The following NAF1 variants were observed in gnomAD, a reference collection of about 807,000 sequenced individuals.
NAF1 encodes the protein H/ACA ribonucleoprotein complex non-core subunit NAF1.
NAF1 carries 11 observed loss-of-function variants against 40.6 expected under a neutral mutation model. The observed-to-expected ratio is 0.27, with a 90% confidence interval of 0.17 to 0.45. The LOEUF is 0.45. Among genes scored for constraint, NAF1 ranks in the 20% least tolerant of loss-of-function variants. The pLI is 1.00. For missense variants in NAF1, 607 were observed against 611.1 expected, an observed-to-expected ratio of 0.99 and a Z score of 0.07; for synonymous variants, 260 against 228.5, an observed-to-expected ratio of 1.14 and a Z score of -1.24.
chr4:163,129,408 T>C (rs1730786071), intron 7 of NAF1, 60 bp from the exon 8 acceptor site: 4 of 1,449,390 alleles, frequency 2.8e-6, no homozygotes, highest in Admixed American at 2.1e-5. Context: ...TCAAAAAGCA[T>C]TGTTTGAAAT....
chr4:163,145,953 TA>T (rs906293853), intron 3 of NAF1, 89 bp from the exon 4 acceptor site: 169 of 682,936 alleles, frequency 2.5e-4, no homozygotes, highest in Middle Eastern at 8.3e-4. Flanking sequence ...CAACATAATT[TA>T]AAAAAAAATT....
intron 2 of NAF1, among the ~76,000 whole-genome samples, chr4:163,114,479 G>A (rs182641479): frequency 7.9e-5 from 12 of 152,220 alleles, no homozygotes; most frequent in Admixed American, 2.6e-4. Context: ...ACAGGAGTGG[G>A]AGTGCCAAGT....
rs78664488 is a variant in NAF1 at position 163,145,727 on chromosome 4, G to GA, written c.717+54dup. The stretch of plus-strand genomic sequence containing the variant: ...TTCTGAGAACTGATGGGGAAAGTCA[G>GA]AAAAAAACAATAAATAAATAGAATA... On this transcript the variant is annotated intron_variant, in intron 4 of 7. Coordinates refer to ENST00000274054, the MANE Select transcript of NAF1 (RefSeq NM_138386.3). 783 of 1,209,754 alleles carry GA rather than the reference G, an allele frequency of 6.5e-4. 4 individuals are homozygous for GA. In the East Asian group the frequency reaches 0.017, roughly 26 times the overall value. The allele number at this position is 1,209,754 out of a possible 1,614,324, so 74.9% of individuals were successfully genotyped here. A position where few individuals can be genotyped will look rare whatever the true frequency, so the allele number is the denominator to read the frequency against.
chr4:163,103,969 G>A, the NAF1 span, among the ~76,000 whole-genome samples: 1 of 152,080 alleles, frequency 6.6e-6, no homozygotes, highest in Non-Finnish European at 1.5e-5. Context: ...GGTGCAGGCG[G>A]ACTGAGTCCA....
chr4:163,144,944 A>T (rs950567887), intron 4 of NAF1, among the ~76,000 whole-genome samples: 15 of 152,262 alleles, frequency 9.9e-5, no homozygotes, highest in Middle Eastern at 3.4e-3. Flanking sequence ...CTGTCATGAA[A>T]ATCACAAATA....
Position 163,121,259 on chromosome 4 carries a change from G to A in NAF1, c.115-10969C>T, listed in dbSNP as rs180748526. On this transcript the variant is annotated intron_variant, in intron 2 of 2. Coordinates refer to the NAF1 transcript ENST00000509434. The stretch of plus-strand genomic sequence containing the variant: ...CCACACTATAGAAAATAGTCCCTTG[G>A]TTTCTGGAACATAATTGCATGTAGT... Among the ~76,000 whole-genome samples the A allele has an allele frequency of 2.6e-5, 4 of 152,152 alleles. No individual in the cohort carries two copies. In the East Asian group the frequency reaches 7.7e-4, roughly 29 times the overall value.
intron 6 of NAF1, chr4:163,135,112 G>A (rs745333516): frequency 6.6e-6 from 1 of 152,068 alleles, no homozygotes; most frequent in Non-Finnish European, 1.5e-5. Context: ...ACAACCGTAG[G>A]TAATTTTTAG....
At chr4:163,151,227 A>C (rs772413852) in intron 2 of NAF1, among the ~76,000 whole-genome samples, 15 of 152,050 alleles carry the variant, frequency 9.9e-5, no homozygotes, top group Non-Finnish European at 1.6e-4. Flanking sequence ...TCAGTCATTT[A>C]GTTAACCTTT....
At position 163,112,185 on chromosome 4, in the gene NAF1, T is replaced by TG. The variant is rs150280658; in HGVS notation, c.115-1896dup. Among the ~76,000 whole-genome samples, 1,295 of 151,250 alleles carry TG rather than the reference T, an allele frequency of 8.6e-3. 19 individuals are homozygous for TG. Among genetic ancestry groups the TG allele is most frequent in the African/African-American group, 0.028 (1,141 of 41,180 alleles). On this transcript the variant is annotated intron_variant, in intron 2 of 2. Coordinates refer to the NAF1 transcript ENST00000509434. ...GATTTTACAAAATGGAAAAAATGAT[T>TG]GGGGGGGGAGAAAAATTGCTAGAGT...
In NAF1 at chr4:163,153,165, G is replaced by A. The variant is rs372719947; in HGVS notation, c.541-4731C>T. ...GGTTCCTGTGCAGCCCGAGCCTCCC[G>A]GACGAATACCACCCCCTGCTCCACG... On this transcript the variant is annotated intron_variant, in intron 2 of 7. Transcript: ENST00000274054. Among the ~76,000 whole-genome samples the A allele has an allele frequency of 2.1e-4, 32 of 152,304 alleles. No homozygotes were observed. In the East Asian group the frequency reaches 5.0e-3, roughly 24 times the overall value.
chr4:163,126,917 T>A (rs1730672709), downstream of NAF1: 2 of 1,492,646 alleles, frequency 1.3e-6, no homozygotes, highest in Non-Finnish European at 1.8e-6. Context: ...GTCATTATTA[T>A]TTTTTGAACA....
At chr4:163,145,520 A>G (rs1731430215) in intron 4 of NAF1, among the ~76,000 whole-genome samples, 1 of 152,220 alleles carries the variant, frequency 6.6e-6, no homozygotes, top group African/African-American at 2.4e-5. Context: ...CTCACTGCCT[A>G]GCAAGTTATC....
Position 163,166,541 on chromosome 4 carries a change from C to T in NAF1, c.187G>A (p.Gly63Arg), listed in dbSNP as rs1459650363. 12 of 1,588,086 alleles carry T rather than the reference C, an allele frequency of 7.6e-6. No homozygotes were observed. Among genetic ancestry groups the T allele is most frequent in the Non-Finnish European group, 1.0e-5 (12 of 1,168,192 alleles). ...AGQTVEVKPA[G>R]EQPLQPVLNA... The stretch of plus-strand genomic sequence containing the variant: ...AGAACGGGCTGCAGAGGCTGCTCCC[C>T]GGCAGGCTTAACCTCCACGGTCTGC... Residue 63 changes from glycine (G) to arginine (R), a missense_variant, in exon 1 of 8, where the codon GGG becomes AGG. Transcript: ENST00000274054.
chr4:163,151,686 C>A (rs1410835871), intron 2 of NAF1, among the ~76,000 whole-genome samples: 1 of 152,074 alleles, frequency 6.6e-6, no homozygotes. Context: ...TTTACCCAAT[C>A]CATAAATATT....
intron 4 of NAF1, among the ~76,000 whole-genome samples, chr4:163,141,024 C>A (rs568356077): frequency 2.1e-4 from 32 of 152,240 alleles, no homozygotes; most frequent in Non-Finnish European, 3.5e-4. Flanking sequence ...TGAAAGGAAA[C>A]TTCTTGGTTT....
downstream of NAF1, among the ~76,000 whole-genome samples, chr4:163,107,087 A>G (rs954753030): frequency 6.6e-6 from 1 of 152,046 alleles, no homozygotes; most frequent in African/African-American, 2.4e-5. Flanking sequence ...CCTGGGTTCA[A>G]GTGATTCTCC....
intron 1 of NAF1, among the ~76,000 whole-genome samples, chr4:163,164,931 A>G (rs140690430): frequency 1.3e-5 from 2 of 152,178 alleles, no homozygotes; most frequent in East Asian, 3.8e-4. Context: ...AACAGCAACC[A>G]CTGTCTCAGT....
intron 2 of NAF1, among the ~76,000 whole-genome samples, chr4:163,113,187 T>C (rs1730216387): frequency 6.6e-6 from 1 of 152,154 alleles, no homozygotes; most frequent in African/African-American, 2.4e-5. Flanking sequence ...AATACATATA[T>C]AGATAGTTCC....
At chr4:163,108,219 A>G (rs1463968000), downstream of NAF1, among the ~76,000 whole-genome samples, 1 of 152,206 alleles carries the variant, frequency 6.6e-6, no homozygotes, top group Non-Finnish European at 1.5e-5. Context: ...ATTCTACTCC[A>G]GCATTTTTCA....
Sources: allele counts gnomAD v4.1 joint callset (sites outside exome capture counted in the v4.1 genomes callset), GRCh38; gene constraint gnomAD v4.1.1; transcripts MANE v1.5; gene names NCBI Gene and HGNC (gene_info 2026-07-23, HGNC 2026-07-21).